GPR161: variants seen among roughly 807,000 people sequenced by gnomAD.
GPR161 encodes G-protein coupled receptor RE2.
GPR161 carries 25 observed loss-of-function variants against 39.2 expected under a neutral mutation model. The observed-to-expected ratio is 0.64, with a 90% CI of 0.47 to 0.89. The LOEUF (loss-of-function observed/expected upper bound fraction) is 0.89, where lower values mean the gene tolerates loss of function less well. Ranked by LOEUF, GPR161 falls within the 40% of genes least tolerant of loss-of-function variation. The pLI is 0.00. For synonymous variants in GPR161, 286 were observed against 276.6 expected, an observed-to-expected ratio of 1.03 and a Z score of -0.34; for missense variants, 547 against 677.8, an observed-to-expected ratio of 0.81 and a Z score of 2.14.
chr1:168,126,985 T>A (rs1220769425), intron 1 of GPR161, among the ~76,000 whole-genome samples: 2 of 152,180 alleles, frequency 1.3e-5, no homozygotes, highest in Non-Finnish European at 2.9e-5. Flanking sequence ...TGTGTGTGTC[T>A]CTTAATCTCT....
rs994859242 is a variant in GPR161 at position 168,081,638 on chromosome 1, T to C, written c.*3893A>G. On this transcript the variant is annotated 3_prime_UTR_variant, in exon 6 of 6. Coordinates refer to ENST00000682931, the MANE Select transcript of GPR161 (RefSeq NM_001375883.1). ...GAGGAAACTCATAAGTAGTGACTTG[T>C]TTGAAAACACCCATGTAATTGGAAG... The C allele has an allele frequency of 3.9e-5, 6 of 152,242 alleles. No individual in the cohort carries two copies. Among genetic ancestry groups the C allele is most frequent in the Non-Finnish European group, 7.3e-5 (5 of 68,050 alleles). 9.4% of individuals were successfully genotyped at this position (152,242 alleles called of 1,614,324 possible).
upstream of GPR161, chr1:168,137,140 C>T: frequency 8.1e-7 from 1 of 1,234,720 alleles, no homozygotes. Flanking sequence ...ACAGCCTCGG[C>T]TGCTGCTCTT....
Position 168,104,549 on chromosome 1 carries a change from T to G in GPR161, c.302A>C (p.Asn101Thr), listed in dbSNP as rs973094044. The G allele has an allele frequency of 1.2e-6, 2 of 1,613,932 alleles. No individual in the cohort carries two copies. Among genetic ancestry groups the G allele is most frequent in the South Asian group, 2.2e-5 (2 of 91,058 alleles). Reference protein sequence around the residue: ...REWIFGVVWCNFSALLYLLIS... With the variant: ...REWIFGVVWCTFSALLYLLIS... ...CAGCAGGTAGAGGAGGGCAGAGAAGTTGCACCACACTACACCAAAGATCCA... is the reference window on the plus strand; with the variant it reads ...CAGCAGGTAGAGGAGGGCAGAGAAGGTGCACCACACTACACCAAAGATCCA... The change falls in exon 2 of 6, where the codon AAC becomes ACC. Residue 101 changes from asparagine to threonine, a missense_variant. Coordinates refer to ENST00000682931, the MANE Select transcript of GPR161 (RefSeq NM_001375883.1).
In GPR161 at chr1:168,096,956, G is replaced by A. The variant is rs771460623; in HGVS notation, c.651C>T (p.Val217=). The A allele has an allele frequency of 1.2e-6, 2 of 1,614,176 alleles. No homozygotes were observed. Among genetic ancestry groups the A allele is most frequent in the Non-Finnish European group, 1.7e-6 (2 of 1,180,038 alleles). Residue 217 remains valine, a synonymous_variant, in exon 3 of 6, where the codon GTC becomes GTT. Transcript: ENST00000682931. ...CYGFIFRVAR[V]KARKVHCGTV... ...TGCCACAGTGCACCTTGCGTGCCTTGACCCTGGCCACGCGGAAGATGAAGC... is the reference window on the plus strand; with the variant it reads ...TGCCACAGTGCACCTTGCGTGCCTTAACCCTGGCCACGCGGAAGATGAAGC...
At position 168,096,268 on chromosome 1, in the gene GPR161, C is replaced by T. The variant is rs143903187; in HGVS notation, c.1099+240G>A. ...TCCCCTGTCCCATTCTTTTGGGACA[C>T]ATACCAGGGCACCAGGGAGCTCTGC... On this transcript the variant is annotated intron_variant, in intron 3 of 5. Coordinates refer to ENST00000682931, the MANE Select transcript of GPR161 (RefSeq NM_001375883.1). Among the ~76,000 whole-genome samples the T allele has an allele frequency of 4.2e-3, 631 of 151,938 alleles. 2 individuals carry two copies. The highest frequency in any genetic ancestry group is 0.02 in the Middle Eastern group (6 of 294).
chr1:168,133,249 A>T (rs544971625), intron 1 of GPR161, among the ~76,000 whole-genome samples: 12 of 152,266 alleles, frequency 7.9e-5, no homozygotes. Flanking sequence ...AAATAAATAC[A>T]GTAAATAATT....
intron 1 of GPR161, among the ~76,000 whole-genome samples, chr1:168,106,178 C>T (rs1367573576): frequency 3.3e-5 from 5 of 152,186 alleles, no homozygotes; most frequent in South Asian, 2.1e-4. Flanking sequence ...TCTTGATTTG[C>T]GGTCCCCAAA....
At chr1:168,127,652 T>C (rs2102252406) in intron 1 of GPR161, among the ~76,000 whole-genome samples, 1 of 152,304 alleles carries the variant, frequency 6.6e-6, no homozygotes, top group African/African-American at 2.4e-5. Flanking sequence ...ACATCTTACA[T>C]GGATGGCAGC....
intron 3 of GPR161, among the ~76,000 whole-genome samples, chr1:168,092,617 G>C (rs1695169130): frequency 6.6e-6 from 1 of 152,168 alleles, no homozygotes; most frequent in South Asian, 2.1e-4. Context: ...CATGCGGTGA[G>C]CAACAGTCAC....
chr1:168,093,774 A>G (rs1226816977), intron 3 of GPR161, among the ~76,000 whole-genome samples: 1 of 152,260 alleles, frequency 6.6e-6, no homozygotes, highest in African/African-American at 2.4e-5. Flanking sequence ...CCAGGGACAC[A>G]AGGCAGAGGC....
Position 168,101,805 on chromosome 1 carries a change from C to A in GPR161, c.374+2672G>T, listed in dbSNP as rs111533935. Among the ~76,000 whole-genome samples, 442 of 152,150 alleles carry A rather than the reference C, an allele frequency of 2.9e-3. 1 individual carries two copies. Among genetic ancestry groups the A allele is most frequent in the African/African-American group, 0.01 (420 of 41,524 alleles). On this transcript the variant is annotated intron_variant, in intron 2 of 5. Transcript: ENST00000682931. ...TATTCTCCACTTCTACTTTCTTTTT[C>A]TTTTCTTTTCTTTTTTTTCAGATGG...
intron 1 of GPR161, among the ~76,000 whole-genome samples, chr1:168,129,973 T>C (rs1181405446): frequency 6.6e-6 from 1 of 152,220 alleles, no homozygotes; most frequent in African/African-American, 2.4e-5. Flanking sequence ...TTGAGCTCTC[T>C]GCAGCATCTG....
chr1:168,129,486 G>A (rs1208150364), intron 1 of GPR161, among the ~76,000 whole-genome samples: 1 of 152,178 alleles, frequency 6.6e-6, no homozygotes, highest in African/African-American at 2.4e-5. Context: ...TGTGCCTGCT[G>A]CTGGGTGAAG....
chr1:168,136,882 C>T lies in GPR161; in HGVS notation c.-188G>A. The stretch of plus-strand genomic sequence containing the variant: ...GCCCACCGAGCCCCGCTTCGCTCCT[C>T]CCGCGGGCCAGCCACCAGCACGCGG... On this transcript the variant is annotated 5_prime_UTR_variant, in exon 1 of 6. Transcript: ENST00000682931. 1 of 982,170 alleles carries T rather than the reference C, an allele frequency of 1.0e-6. No individual in the cohort carries two copies. The highest frequency in any genetic ancestry group is 1.2e-6 in the Non-Finnish European group (1 of 828,624). 60.8% of individuals were successfully genotyped at this position (982,170 alleles called of 1,614,324 possible). A position where few individuals can be genotyped will look rare whatever the true frequency, so the allele number is the denominator to read the frequency against.
At chr1:168,126,352 T>C (rs764998719) in intron 1 of GPR161, among the ~76,000 whole-genome samples, 17 of 152,226 alleles carry the variant, frequency 1.1e-4, no homozygotes, top group Non-Finnish European at 2.4e-4. Context: ...CAGAAAATGC[T>C]ACCTTTACAA....
intron 1 of GPR161, among the ~76,000 whole-genome samples, chr1:168,107,803 TTTC>T (rs1696742278): frequency 6.6e-6 from 1 of 152,162 alleles, no homozygotes; most frequent in Non-Finnish European, 1.5e-5. Flanking sequence ...ATTTCTTTCT[TTTC>T]AGACCAGGAA....
In GPR161 at chr1:168,104,618, A is replaced by G. The variant is rs1043723189; in HGVS notation, c.233T>C (p.Val78Ala). The change falls in exon 2 of 6, where the codon GTG (valine) becomes GCG (alanine). Residue 78 changes from valine (V) to alanine (A), a missense_variant. Transcript: ENST00000682931. Reference protein sequence around the residue: ...SLTLSNFLLSVLVLPFVVTSS... With the variant: ...SLTLSNFLLSALVLPFVVTSS... ...CGTCACCACAAAAGGCAGCACCAAC[A>G]CGGACAGCAGGAAGTTGGACAGAGT... 6 of 1,614,046 alleles carry G rather than the reference A, an allele frequency of 3.7e-6. No homozygotes were observed. Among genetic ancestry groups the G allele is most frequent in the Non-Finnish European group, 5.1e-6 (6 of 1,179,962 alleles).
In GPR161 at chr1:168,082,672, G is replaced by C. The variant is rs930475821; in HGVS notation, c.*2859C>G. ...TGTCAAAACCAGAAGACACAGGACT[G>C]AGTTGTTTAAGCTAACGAGTAGCCA... On this transcript the variant is annotated 3_prime_UTR_variant, in exon 6 of 6. Transcript: ENST00000682931. 3 of 152,236 alleles carry C rather than the reference G, an allele frequency of 2.0e-5. No individual in the cohort carries two copies. Among genetic ancestry groups the C allele is most frequent in the Non-Finnish European group, 2.9e-5 (2 of 68,070 alleles). The allele number at this position is 152,236 out of a possible 1,614,324, so 9.4% of individuals were successfully genotyped here. A position where few individuals can be genotyped will look rare whatever the true frequency, so the allele number is the denominator to read the frequency against.
Position 168,090,628 on chromosome 1 carries a change from A to C in GPR161, c.1140T>G (p.Gly380=), listed in dbSNP as rs275149. 8.5e-4 allele frequency: 1,358 copies of C among 1,605,022 alleles called. 3 individuals are homozygous for C. The highest frequency in any genetic ancestry group is 3.9e-3 in the East Asian group (172 of 44,358). ...TGCTGCTGTGCCCCAGGGGCTGTCC[A>C]CCTGCCATGAGCGCAGTGAGGTGTG... ...LSPHLTALMA[G]GQPLGHSSST... is the part of the protein sequence containing the mutation. Residue 380 remains glycine, a synonymous_variant, in exon 4 of 6, where the codon GGT becomes GGG. Coordinates refer to ENST00000682931, the MANE Select transcript of GPR161 (RefSeq NM_001375883.1).
Sources: allele counts gnomAD v4.1 joint callset (sites outside exome capture counted in the v4.1 genomes callset), GRCh38; gene constraint gnomAD v4.1.1; transcripts MANE v1.5; gene names NCBI Gene and HGNC (gene_info 2026-07-23, HGNC 2026-07-21).